Variants in AMOTL1 observed in about 807,000 individuals in gnomAD.
AMOTL1 encodes the protein angiomotin-like protein 1.
In AMOTL1, 45 loss-of-function variants were observed where a neutral mutation model predicts 102.9. The ratio of observed to expected loss-of-function variants is 0.44; its 90% CI spans 0.34 to 0.56. The LOEUF (loss-of-function observed/expected upper bound fraction) is 0.56. AMOTL1 is among the 20% of genes least tolerant of loss of function. The pLI is 0.01. For missense variants in AMOTL1, 1,114 were observed against 1,225.6 expected, an observed-to-expected ratio of 0.91 and a Z score of 1.36; for synonymous variants, 481 against 484.7, an observed-to-expected ratio of 0.99 and a Z score of 0.10.
chr11:94,813,507 A>G (rs1951716574), intron 3 of AMOTL1, among the ~76,000 whole-genome samples: 2 of 152,208 alleles, frequency 1.3e-5, no homozygotes, highest in African/African-American at 4.8e-5. Context: ...TTCACCTTGC[A>G]ACCATCCGCA....
intron 3 of AMOTL1, among the ~76,000 whole-genome samples, chr11:94,809,327 T>C (rs1186043904): frequency 6.6e-6 from 1 of 152,230 alleles, no homozygotes; most frequent in Non-Finnish European, 1.5e-5. Context: ...CAGTTCAGAC[T>C]AGCCACATTT....
chr11:94,840,173 A>T (rs767616588), intron 6 of AMOTL1, among the ~76,000 whole-genome samples: 17 of 152,238 alleles, frequency 1.1e-4, no homozygotes, highest in Non-Finnish European at 1.5e-4. Context: ...GATAAAAATT[A>T]AAAAATAAGC....
chr11:94,740,045 C>T (rs982835789), intron 2 of AMOTL1, among the ~76,000 whole-genome samples: 6 of 152,174 alleles, frequency 3.9e-5, no homozygotes, highest in African/African-American at 1.2e-4. Context: ...AATGATGTCA[C>T]GCATAAATTA....
intron 6 of AMOTL1, among the ~76,000 whole-genome samples, chr11:94,845,904 C>T (rs936907046): frequency 8.5e-5 from 13 of 152,168 alleles, no homozygotes; most frequent in Non-Finnish European, 1.6e-4. Flanking sequence ...CTTGCCTGTT[C>T]TAGGAATTCT....
At chr11:94,838,877 A>T (rs1370503581) in intron 6 of AMOTL1, among the ~76,000 whole-genome samples, 7 of 151,430 alleles carry the variant, frequency 4.6e-5, no homozygotes, top group Admixed American at 6.7e-5. Context: ...TTAGCTAATG[A>T]TGGAGAAAGG....
chr11:94,864,363 C>T (rs541546841), intron 9 of AMOTL1, among the ~76,000 whole-genome samples: 18 of 152,180 alleles, frequency 1.2e-4, no homozygotes, highest in African/African-American at 3.9e-4. Flanking sequence ...ATAATGTAGT[C>T]AGAAGGGGGA....
intron 1 of AMOTL1, among the ~76,000 whole-genome samples, chr11:94,720,181 G>A (rs1950154500): frequency 6.6e-6 from 1 of 152,114 alleles, no homozygotes; most frequent in Admixed American, 6.5e-5. Context: ...TCCAAGGGGA[G>A]ATGTGGAAAA....
chr11:94,864,112 C>T (rs974467763), intron 9 of AMOTL1, among the ~76,000 whole-genome samples: 8 of 152,056 alleles, frequency 5.3e-5, no homozygotes, highest in Non-Finnish European at 1.2e-4. Flanking sequence ...TTACTGAGCC[C>T]CCATTTTACT....
rs1051154532 is a variant in AMOTL1 at position 94,875,266 on chromosome 11, A to G, written c.*4471A>G. The G allele has an allele frequency of 8.5e-5, 13 of 152,222 alleles. No individual in the cohort carries two copies. Among genetic ancestry groups the G allele is most frequent in the African/African-American group, 2.4e-4 (10 of 41,460 alleles). 9.4% of individuals were successfully genotyped at this position (152,222 alleles called of 1,614,324 possible). ...GAAATTGGTCGGCTGGGGAAATGCA[A>G]AAGTTAGCATTTCAGTAGTGAATTT... On this transcript the variant is annotated 3_prime_UTR_variant, in exon 13 of 13. Coordinates refer to ENST00000433060, the MANE Select transcript of AMOTL1 (RefSeq NM_130847.3).
At chr11:94,861,076 C>T (rs558908901) in intron 9 of AMOTL1, among the ~76,000 whole-genome samples, 7 of 152,030 alleles carry the variant, frequency 4.6e-5, no homozygotes, top group Non-Finnish European at 7.4e-5. Context: ...GGAAAATGAC[C>T]GTTTGGGAAT....
intron 9 of AMOTL1, among the ~76,000 whole-genome samples, chr11:94,864,145 C>T (rs1008744972): frequency 1.3e-5 from 2 of 152,136 alleles, no homozygotes; most frequent in African/African-American, 4.8e-5. Context: ...AGTAGGCATT[C>T]TATGCTGTAT....
At chr11:94,804,239 G>A (rs567686335) in intron 3 of AMOTL1, among the ~76,000 whole-genome samples, 453 of 152,308 alleles carry the variant, frequency 3.0e-3, no homozygotes, top group Non-Finnish European at 5.2e-3. Context: ...TTTGACCAAC[G>A]TTAGTTATTA....
intron 3 of AMOTL1, among the ~76,000 whole-genome samples, chr11:94,745,714 T>A (rs530586837): frequency 6.6e-6 from 1 of 152,348 alleles, no homozygotes; most frequent in South Asian, 2.1e-4. Context: ...AGTCCATGTA[T>A]TGAATGTGCT....
At chr11:94,831,283 C>A (rs1952065170) in intron 5 of AMOTL1, among the ~76,000 whole-genome samples, 169 bp from the exon 6 acceptor site, 1 of 152,104 alleles carries the variant, frequency 6.6e-6, no homozygotes, top group Non-Finnish European at 1.5e-5. Flanking sequence ...GAAGCCTTTT[C>A]TTTTGATATT....
At chr11:94,717,121 A>G (rs1298111902) in intron 1 of AMOTL1, among the ~76,000 whole-genome samples, 1 of 151,770 alleles carries the variant, frequency 6.6e-6, no homozygotes, top group East Asian at 1.9e-4. Context: ...GGAAATCACT[A>G]TGGTGTCTCA....
At chr11:94,817,935 C>G (rs1272058785) in intron 3 of AMOTL1, among the ~76,000 whole-genome samples, 1 of 152,086 alleles carries the variant, frequency 6.6e-6, no homozygotes, top group Non-Finnish European at 1.5e-5. Context: ...CTAGAAAACC[C>G]TTTTTCTTTG....
At chr11:94,707,706 C>A (rs1949953219) in intron 1 of AMOTL1, among the ~76,000 whole-genome samples, 1 of 152,088 alleles carries the variant, frequency 6.6e-6, no homozygotes, top group Non-Finnish European at 1.5e-5. Context: ...AAATCTGCTC[C>A]CCCTTCTGTG....
chr11:94,771,810 A>C (rs1299587533), intron 1 of AMOTL1, among the ~76,000 whole-genome samples: 2 of 152,148 alleles, frequency 1.3e-5, no homozygotes, highest in African/African-American at 4.8e-5. Flanking sequence ...CTCACACATC[A>C]GGCATTTTCC....
intron 1 of AMOTL1, among the ~76,000 whole-genome samples, chr11:94,785,223 A>G (rs577148876): frequency 1.3e-5 from 2 of 152,296 alleles, no homozygotes; most frequent in South Asian, 4.1e-4. Flanking sequence ...CAACTCTCCT[A>G]ATTTTAATCT....
Sources: gnomAD v4.1 joint callset for allele counts (sites outside exome capture counted in the v4.1 genomes callset) on GRCh38, gnomAD v4.1.1 for gene constraint, MANE v1.5 for transcripts, NCBI Gene and HGNC (gene_info 2026-07-23, HGNC 2026-07-21) for gene names.